Variants in EML6 observed in about 807,000 individuals in gnomAD.
EML6 encodes the protein EMAP like 6, also known as echinoderm microtubule-associated protein-like 6.
EML6 carries 154 observed loss-of-function variants against 240.1 expected under a neutral mutation model. That is an observed-to-expected ratio of 0.64 (90% confidence interval 0.56 to 0.73). The LOEUF is 0.73. EML6 is among the 30% of genes least tolerant of loss of function. EML6 has a pLI of 0.00. For missense variants in EML6, 2,964 were observed against 2,474.6 expected, an observed-to-expected ratio of 1.20 and a Z score of -4.20; for synonymous variants, 1,148 against 899.0, an observed-to-expected ratio of 1.28 and a Z score of -4.95.
At chr2:54,857,635 C>G (rs866372457) in intron 11 of EML6, among the ~76,000 whole-genome samples, 1 of 152,110 alleles carries the variant, frequency 6.6e-6, no homozygotes, top group Non-Finnish European at 1.5e-5. Context: ...TGGAATTGGG[C>G]AGTGCAGTGT....
chr2:54,844,289 T>C, intron 8 of EML6, 41 bp downstream of exon 8: 4 of 1,484,246 alleles, frequency 2.7e-6, no homozygotes, highest in Non-Finnish European at 2.8e-6. Context: ...TTCTTTGAGA[T>C]GGATTTATTT....
At chr2:54,839,074 C>A (rs959944080) in intron 7 of EML6, among the ~76,000 whole-genome samples, 1 of 152,152 alleles carries the variant, frequency 6.6e-6, no homozygotes, top group Non-Finnish European at 1.5e-5. Flanking sequence ...TTGGTCAGCC[C>A]AGCTGGGACA....
At chr2:54,879,785 C>G (rs998813378) in intron 17 of EML6, 145 bp downstream of exon 17, 4 of 628,780 alleles carry the variant, frequency 6.4e-6, no homozygotes, top group Non-Finnish European at 1.1e-5. Flanking sequence ...AAAAATACTG[C>G]AGTATTTCAT....
At chr2:54,966,795 A>C in intron 38 of EML6, 2 of 405,536 alleles carry the variant, frequency 4.9e-6, no homozygotes, top group Non-Finnish European at 4.6e-6. Flanking sequence ...AATAGCGAGA[A>C]AATGGATGAG....
intron 29 of EML6, among the ~76,000 whole-genome samples, 168 bp downstream of exon 29, chr2:54,949,128 G>A (rs989550317): frequency 4.6e-5 from 7 of 152,010 alleles, no homozygotes; most frequent in African/African-American, 9.7e-5. Context: ...CCATCCCAGG[G>A]ACCAGAGTCG....
At chr2:54,803,887 G>A (rs1471986648) in intron 2 of EML6, among the ~76,000 whole-genome samples, 1 of 152,178 alleles carries the variant, frequency 6.6e-6, no homozygotes, top group Non-Finnish European at 1.5e-5. Context: ...CTCACGGACC[G>A]GGCACCATCT....
chr2:54,804,239 G>A (rs1670344822), intron 2 of EML6, among the ~76,000 whole-genome samples: 1 of 152,188 alleles, frequency 6.6e-6, no homozygotes, highest in Non-Finnish European at 1.5e-5. Flanking sequence ...TGAAACACAT[G>A]ACTGGCATAT....
At chr2:54,741,721 G>C (rs1243352778) in intron 2 of EML6, among the ~76,000 whole-genome samples, 1 of 152,216 alleles carries the variant, frequency 6.6e-6, no homozygotes, top group Non-Finnish European at 1.5e-5. Flanking sequence ...GAGCCAGCTT[G>C]AAGGGACTTC....
chr2:54,829,073 AT>A (rs1007798864), intron 6 of EML6, among the ~76,000 whole-genome samples: 7 of 152,294 alleles, frequency 4.6e-5, no homozygotes, highest in Non-Finnish European at 1.0e-4. Context: ...CATTAATTAT[AT>A]TTTTGAATTT....
Position 54,813,266 on chromosome 2 carries a change from A to G in EML6, c.232A>G (p.Thr78Ala). 1 of 1,550,928 alleles carries G rather than the reference A, an allele frequency of 6.4e-7. No individual in the cohort carries two copies. Among genetic ancestry groups the G allele is most frequent in the Non-Finnish European group, 8.7e-7 (1 of 1,146,626 alleles). ...ACACCCAGACAAAACTCTCGTTGCAACTGGCCAAGTCGGGAAGGAGCCATA... is the reference window on the plus strand; with the variant it reads ...ACACCCAGACAAAACTCTCGTTGCAGCTGGCCAAGTCGGGAAGGAGCCATA... The part of the protein sequence containing the change: ...ALHPDKTLVA[T>A]GQVGKEPYIC... Residue 78 changes from threonine to alanine, a missense_variant, in exon 3 of 42, where the codon ACT becomes GCT. By Grantham distance (58) the Thr-to-Ala change is moderately conservative. Coordinates refer to ENST00000356458, the MANE Select transcript of EML6 (RefSeq NM_001039753.4).
At chr2:54,769,698 G>A (rs1318842027) in intron 2 of EML6, among the ~76,000 whole-genome samples, 3 of 152,158 alleles carry the variant, frequency 2.0e-5, no homozygotes, top group East Asian at 1.9e-4. Flanking sequence ...TACTCATGAC[G>A]TCCAAGAGTT....
At chr2:54,731,639 T>C (rs1683173273) in intron 2 of EML6, among the ~76,000 whole-genome samples, 1 of 152,100 alleles carries the variant, frequency 6.6e-6, no homozygotes, top group Non-Finnish European at 1.5e-5. Context: ...TATATATGAC[T>C]GTGTTTTGTT....
chr2:54,810,273 G>C (rs1301561720), intron 2 of EML6, among the ~76,000 whole-genome samples: 2 of 152,206 alleles, frequency 1.3e-5, no homozygotes. Flanking sequence ...CAATATGAAT[G>C]AGAAGAACAA....
chr2:54,778,289 C>T (rs549875449), intron 2 of EML6, among the ~76,000 whole-genome samples: 5 of 151,958 alleles, frequency 3.3e-5, no homozygotes, highest in Non-Finnish European at 7.4e-5. Context: ...TATTAAATGT[C>T]GAAATTTATT....
rs371442101 is a variant in EML6, at chr2:54,928,463, A to C, written c.3826A>C (p.Ser1276Arg). The part of the protein sequence containing the change: ...WTREFVGTQE[S>R]KLVDSEESDT... Reference sequence around the variant, plus strand: ...CAGGGAGTTTGTGGGGACCCAGGAGAGCAAGCTGGTGGACAGCGAGGAGTC... The same window carrying C: ...CAGGGAGTTTGTGGGGACCCAGGAGCGCAAGCTGGTGGACAGCGAGGAGTC... Residue 1276 changes from serine to arginine, a missense_variant, in exon 27 of 42, where the codon AGC (serine) becomes CGC (arginine). Transcript: ENST00000356458. The C allele has an allele frequency of 2.6e-4, 399 of 1,549,558 alleles. 1 individual carries two copies. The highest frequency in any genetic ancestry group is 3.3e-4 in the Non-Finnish European group (383 of 1,145,694).
chr2:54,872,896 T>G (rs1017179587), intron 16 of EML6, among the ~76,000 whole-genome samples: 2 of 152,202 alleles, frequency 1.3e-5, no homozygotes, highest in Non-Finnish European at 2.9e-5. Flanking sequence ...ATTGCTCTTA[T>G]GGCACCCATT....
chr2:54,792,910 CAAAA>C (rs961968755), intron 2 of EML6, among the ~76,000 whole-genome samples: 2 of 151,390 alleles, frequency 1.3e-5, no homozygotes, highest in Non-Finnish European at 3.0e-5. Flanking sequence ...TTATAAAAAG[CAAAA>C]AAAAGAAATG....
At chr2:54,907,546 G>A (rs974792878) in intron 24 of EML6, among the ~76,000 whole-genome samples, 16 of 152,086 alleles carry the variant, frequency 1.1e-4, no homozygotes, top group Non-Finnish European at 4.4e-5. Flanking sequence ...GCCATAATAG[G>A]ACATTTCATT....
At chr2:54,923,474 A>G (rs6545459) in intron 26 of EML6, among the ~76,000 whole-genome samples, 57,557 of 151,596 alleles carry the variant, frequency 0.38, 11,168 homozygotes, top group East Asian at 0.55. Context: ...ATGTATGCAT[A>G]TATCAGATTC....
Sources: gnomAD v4.1 joint callset for allele counts (sites outside exome capture counted in the v4.1 genomes callset) on GRCh38, gnomAD v4.1.1 for gene constraint, MANE v1.5 for transcripts, NCBI Gene and HGNC (gene_info 2026-07-23, HGNC 2026-07-21) for gene names.